Variants in ROBO1 observed in about 807,000 individuals in gnomAD.
ROBO1 encodes roundabout homolog 1.
ROBO1 carries 149 observed loss-of-function variants against 195.9 expected under a neutral mutation model. That is an observed-to-expected ratio of 0.76 (90% confidence interval 0.67 to 0.87). The LOEUF (loss-of-function observed/expected upper bound fraction) is 0.87. Among genes scored for constraint, ROBO1 ranks in the 40% least tolerant of loss-of-function variants. ROBO1 has a pLI of 0.00. For missense variants in ROBO1, 1,933 were observed against 2,068.3 expected (o/e 0.93, Z 1.27); for synonymous variants, 816 against 733.2 (o/e 1.11, Z -1.82).
intron 1 of ROBO1, among the ~76,000 whole-genome samples, chr3:79,643,562 TTAAAGTA>T (rs1324217048): frequency 1.3e-5 from 2 of 151,814 alleles, no homozygotes; most frequent in South Asian, 2.1e-4. Flanking sequence ...AGAAATGGAG[TTAAAGTA>T]TAAAGTTGTT....
Position 78,717,378 on chromosome 3 carries a change from C to A in ROBO1, c.814G>T (p.Ala272Ser). ...PSFVKRPSNLAVTVDDSAEFK... is the reference protein window; with the variant it reads ...PSFVKRPSNLSVTVDDSAEFK... ...TCTGCACTGTCATCCACAGTTACTGCCAAGTTACTGGGTCTCTTCACAAAT... is the reference window on the plus strand; with the variant it reads ...TCTGCACTGTCATCCACAGTTACTGACAAGTTACTGGGTCTCTTCACAAAT... The change falls in exon 7 of 31, where the codon GCA becomes TCA. Residue 272 changes from alanine (A) to serine (S), a missense_variant. Transcript: ENST00000464233. 6.2e-7 allele frequency: 1 copy of A among 1,612,876 alleles called. No homozygotes were observed. The highest frequency in any genetic ancestry group is 8.5e-7 in the Non-Finnish European group (1 of 1,179,004).
rs141741126 is a variant in ROBO1 at position 78,767,217 on chromosome 3, G to A, written c.500-20317C>T. ...GGTACCAATTCTTCTTTAAATGTCT[G>A]GTAGAATTCTGCTGTGAATCCGTCT... On this transcript the variant is annotated intron_variant, in intron 4 of 30. Transcript: ENST00000464233. 1.6e-3 allele frequency among the ~76,000 whole-genome samples: 237 copies of A among 151,636 alleles called. 1 individual carries two copies. Among genetic ancestry groups the A allele is most frequent in the Middle Eastern group, 0.014 (4 of 294 alleles).
intron 3 of ROBO1, among the ~76,000 whole-genome samples, chr3:79,032,421 A>C (rs933612672): frequency 2.6e-4 from 39 of 152,092 alleles, no homozygotes; most frequent in African/African-American, 9.4e-4. Context: ...TAATAAATTT[A>C]ACTTAATAAA....
At chr3:79,190,876 C>CA (rs944343364) in intron 2 of ROBO1, among the ~76,000 whole-genome samples, 2 of 151,344 alleles carry the variant, frequency 1.3e-5, no homozygotes, top group South Asian at 2.1e-4. Context: ...GGAATGAATG[C>CA]AAAAAAATCA....
At chr3:78,957,738 T>C (rs1195485869) in intron 3 of ROBO1, among the ~76,000 whole-genome samples, 1 of 152,228 alleles carries the variant, frequency 6.6e-6, no homozygotes, top group Non-Finnish European at 1.5e-5. Context: ...CTCTTCTCTT[T>C]AGGAGGCAAA....
intron 2 of ROBO1, among the ~76,000 whole-genome samples, chr3:79,202,977 T>C (rs1283151963): frequency 2.0e-5 from 3 of 152,282 alleles, no homozygotes; most frequent in African/African-American, 7.2e-5. Flanking sequence ...CCTGGCCTTG[T>C]GTAATTCTCA....
intron 2 of ROBO1, among the ~76,000 whole-genome samples, chr3:79,569,267 T>C (rs541404441): frequency 6.6e-6 from 1 of 152,316 alleles, no homozygotes; most frequent in African/African-American, 2.4e-5. Flanking sequence ...ACACTAGGAC[T>C]AACATAAATT....
intron 2 of ROBO1, among the ~76,000 whole-genome samples, chr3:79,164,735 G>C (rs1270522444): frequency 1.3e-5 from 2 of 152,014 alleles, no homozygotes; most frequent in Admixed American, 1.3e-4. Context: ...GGACTTTCAC[G>C]GGCTGCCTAT....
At chr3:79,643,010 T>G (rs2106682762) in intron 1 of ROBO1, among the ~76,000 whole-genome samples, 1 of 152,134 alleles carries the variant, frequency 6.6e-6, no homozygotes, top group Non-Finnish European at 1.5e-5. Context: ...CAAGGCAGAT[T>G]AACATTTGAA....
chr3:78,638,479 T>A (rs541185582), intron 22 of ROBO1, among the ~76,000 whole-genome samples: 1 of 152,160 alleles, frequency 6.6e-6, no homozygotes, highest in South Asian at 2.1e-4. Flanking sequence ...TTAAAGAATT[T>A]GGTTCATTAT....
At chr3:78,614,827 A>T in intron 27 of ROBO1, 27 bp from the exon 28 acceptor site, 1 of 1,550,878 alleles carries the variant, frequency 6.4e-7, no homozygotes, top group South Asian at 1.2e-5. Context: ...AAAAAATCCA[A>T]GCCAAACTCA....
At chr3:79,438,786 A>G (rs2038965861) in intron 2 of ROBO1, among the ~76,000 whole-genome samples, 1 of 152,030 alleles carries the variant, frequency 6.6e-6, no homozygotes, top group Non-Finnish European at 1.5e-5. Flanking sequence ...TTTTAAACCA[A>G]TTAGGTCATT....
In ROBO1 at chr3:78,662,093, C is replaced by T. The variant is rs932289931; in HGVS notation, c.1988G>A (p.Gly663Glu). ...TCTCTGGACCTGCTTGTGGTCCACC[C>T]CCTGACTTGTTGGTAGGACATCTAC... is the stretch of plus-strand genomic sequence containing the variant. ...KTQDVLPTSQ[G>E]VDHKQVQREL... is the part of the protein sequence containing the mutation. The change falls in exon 15 of 31, where the codon GGG becomes GAG. Residue 663 changes from glycine to glutamate, a missense_variant. Transcript: ENST00000464233. 7.0e-6 allele frequency: 11 copies of T among 1,566,652 alleles called. No individual in the cohort carries two copies. The highest frequency in any genetic ancestry group is 9.5e-6 in the Non-Finnish European group (11 of 1,154,860).
At chr3:79,544,031 C>T (rs1199936115) in intron 2 of ROBO1, among the ~76,000 whole-genome samples, 1 of 150,872 alleles carries the variant, frequency 6.6e-6, no homozygotes, top group African/African-American at 2.5e-5. Context: ...CCCTGGGGTA[C>T]AGGCTGCATT....
At chr3:79,198,262 C>T (rs555031980) in intron 2 of ROBO1, among the ~76,000 whole-genome samples, 1 of 152,162 alleles carries the variant, frequency 6.6e-6, no homozygotes, top group South Asian at 2.1e-4. Context: ...ATATGGCTAG[C>T]TAGTTTTCCC....
intron 2 of ROBO1, among the ~76,000 whole-genome samples, chr3:79,488,628 T>C (rs958088499): frequency 1.3e-5 from 2 of 152,200 alleles, no homozygotes; most frequent in Admixed American, 6.5e-5. Flanking sequence ...CTCAGCATTA[T>C]ACCATACAAT....
At chr3:79,256,159 T>G (rs572995345) in intron 2 of ROBO1, among the ~76,000 whole-genome samples, 51 of 152,208 alleles carry the variant, frequency 3.4e-4, no homozygotes, top group Non-Finnish European at 6.2e-4. Flanking sequence ...AGAACAGGGA[T>G]TCTTCCATCC....
At chr3:78,789,958 C>T (rs2083966292) in intron 4 of ROBO1, among the ~76,000 whole-genome samples, 1 of 152,336 alleles carries the variant, frequency 6.6e-6, no homozygotes, top group African/African-American at 2.4e-5. Flanking sequence ...GCTAGCTTAA[C>T]ATCTATACAG....
intron 4 of ROBO1, among the ~76,000 whole-genome samples, chr3:78,770,334 T>C (rs2083340883): frequency 6.6e-6 from 1 of 152,184 alleles, no homozygotes; most frequent in African/African-American, 2.4e-5. Context: ...TGGTGTGAGA[T>C]GGTATCTCAT....
Sources: allele counts gnomAD v4.1 joint callset (sites outside exome capture counted in the v4.1 genomes callset), GRCh38; gene constraint gnomAD v4.1.1; transcripts MANE v1.5; gene names NCBI Gene and HGNC (gene_info 2026-07-23, HGNC 2026-07-21).